The following SNTG1 variants were observed in gnomAD, a reference collection of about 807,000 sequenced individuals.
SNTG1 encodes the protein gamma-1-syntrophin.
SNTG1 carries 39 observed loss-of-function variants against 74.7 expected under a neutral mutation model. The ratio of observed to expected loss-of-function variants is 0.52; its 90% CI spans 0.40 to 0.68. The LOEUF is 0.68. Among genes scored for constraint, SNTG1 ranks in the 30% least tolerant of loss-of-function variants. The pLI is 0.00. For synonymous variants in SNTG1, 254 were observed against 217.1 expected (o/e 1.17, Z -1.49); for missense variants, 685 against 609.5 (o/e 1.12, Z -1.30).
At chr8:50,404,406 T>C (rs547447547) in intron 4 of SNTG1, among the ~76,000 whole-genome samples, 1 of 152,252 alleles carries the variant, frequency 6.6e-6, no homozygotes, top group African/African-American at 2.4e-5. Context: ...TATGTACAAG[T>C]TGATTCCAAA....
At chr8:50,332,813 A>G (rs956176064) in intron 2 of SNTG1, among the ~76,000 whole-genome samples, 2 of 152,210 alleles carry the variant, frequency 1.3e-5, no homozygotes, top group African/African-American at 4.8e-5. Context: ...AAGACCTGGC[A>G]CTAAATGATT....
intron 1 of SNTG1, among the ~76,000 whole-genome samples, chr8:49,928,641 A>C (rs1382692889): frequency 1.3e-5 from 2 of 152,296 alleles, no homozygotes; most frequent in East Asian, 1.9e-4. Context: ...AACTCTCTGC[A>C]CATTTTGCCC....
At chr8:50,412,431 T>C (rs998288095) in intron 4 of SNTG1, among the ~76,000 whole-genome samples, 2 of 152,210 alleles carry the variant, frequency 1.3e-5, no homozygotes, top group Non-Finnish European at 2.9e-5. Flanking sequence ...CTGATTCTTA[T>C]TATTATGTTT....
At chr8:50,324,569 C>G (rs2090662722) in intron 2 of SNTG1, among the ~76,000 whole-genome samples, 1 of 152,134 alleles carries the variant, frequency 6.6e-6, no homozygotes, top group African/African-American at 2.4e-5. Flanking sequence ...CCCTCTTGCT[C>G]TGCCCCCAAA....
chr8:50,635,473 C>A (rs1393667276), intron 13 of SNTG1, among the ~76,000 whole-genome samples: 1 of 152,176 alleles, frequency 6.6e-6, no homozygotes, highest in African/African-American at 2.4e-5. Flanking sequence ...GTGCTCTACT[C>A]TACGGCAGCT....
At chr8:50,485,584 G>A (rs199919015) in intron 8 of SNTG1, among the ~76,000 whole-genome samples, 7,893 of 149,580 alleles carry the variant, frequency 0.053, 256 homozygotes, top group South Asian at 0.17. Flanking sequence ...TTTGTCAGAT[G>A]AGTAGGTTGC....
chr8:50,486,909 C>G (rs1242471130), intron 8 of SNTG1, among the ~76,000 whole-genome samples: 3 of 152,166 alleles, frequency 2.0e-5, no homozygotes, highest in Non-Finnish European at 4.4e-5. Context: ...TTGAGATAAT[C>G]ATGTGGTTTT....
At chr8:50,475,175 T>C (rs559669681) in intron 8 of SNTG1, among the ~76,000 whole-genome samples, 1 of 151,750 alleles carries the variant, frequency 6.6e-6, no homozygotes, top group Non-Finnish European at 1.5e-5. Context: ...CATGTATGCA[T>C]ATGTAACAAA....
intron 13 of SNTG1, among the ~76,000 whole-genome samples, chr8:50,626,678 T>C (rs549620363): frequency 5.9e-5 from 9 of 152,348 alleles, no homozygotes; most frequent in Non-Finnish European, 1.3e-4. Context: ...TGCTATTGTT[T>C]GTGGCTTAGG....
At position 50,005,997 on chromosome 8, in the gene SNTG1, G is replaced by A. The variant is rs1026212329; in HGVS notation, c.-103+93766G>A. 2.7e-4 allele frequency among the ~76,000 whole-genome samples: 31 copies of A among 115,176 alleles called. No homozygotes were observed. In the Admixed American group the frequency reaches 2.8e-3, roughly 10 times the overall value. 75.6% of individuals were successfully genotyped at this position (115,176 alleles called of 152,430 possible). ...TTTTTTTTTTTTGAGATGGAGTCTC[G>A]CTCTGTTGCCAAGCTGGAGTGCAGT... On this transcript the variant is annotated intron_variant, in intron 1 of 18. Transcript: ENST00000642720.
intron 4 of SNTG1, among the ~76,000 whole-genome samples, chr8:50,411,598 A>G (rs1268085264): frequency 3.3e-5 from 5 of 152,048 alleles, no homozygotes; most frequent in Non-Finnish European, 7.4e-5. Context: ...AGATAATACA[A>G]AGGCCTACTC....
chr8:50,631,864 T>A (rs760545646), intron 13 of SNTG1, among the ~76,000 whole-genome samples: 2 of 152,206 alleles, frequency 1.3e-5, no homozygotes, highest in Non-Finnish European at 2.9e-5. Context: ...GCAGAAACTT[T>A]CTATACTGCT....
intron 2 of SNTG1, among the ~76,000 whole-genome samples, chr8:50,308,390 A>G (rs1025896475): frequency 2.6e-5 from 4 of 151,908 alleles, no homozygotes; most frequent in African/African-American, 9.7e-5. Context: ...TGCAAGGCCT[A>G]TAGAGTTCAC....
chr8:49,912,675 T>C (rs1370040161), intron 1 of SNTG1, among the ~76,000 whole-genome samples: 1 of 152,212 alleles, frequency 6.6e-6, no homozygotes, highest in Non-Finnish European at 1.5e-5. Context: ...AAACTATGCA[T>C]GGGAACAAAT....
intron 2 of SNTG1, among the ~76,000 whole-genome samples, chr8:50,262,241 T>C (rs2087231467): frequency 6.6e-6 from 1 of 152,066 alleles, no homozygotes; most frequent in South Asian, 2.1e-4. Flanking sequence ...AGTGACCATA[T>C]TGAAAAGAAG....
intron 8 of SNTG1, among the ~76,000 whole-genome samples, chr8:50,490,408 G>C (rs1368201258): frequency 1.3e-5 from 2 of 152,162 alleles, no homozygotes; most frequent in African/African-American, 4.8e-5. Flanking sequence ...CATGTGCATG[G>C]AATGTTTTTC....
intron 13 of SNTG1, among the ~76,000 whole-genome samples, chr8:50,601,915 G>T (rs1228509974): frequency 1.3e-5 from 2 of 151,908 alleles, no homozygotes; most frequent in African/African-American, 2.4e-5. Flanking sequence ...AATATATTTT[G>T]TCTGGTATAA....
chr8:50,494,221 G>A (rs920260892), intron 8 of SNTG1, among the ~76,000 whole-genome samples: 2 of 151,410 alleles, frequency 1.3e-5, no homozygotes, highest in African/African-American at 2.4e-5. Context: ...ATAATTCATG[G>A]ATATTTATTC....
chr8:50,675,431 T>C (rs1333662476), intron 15 of SNTG1, among the ~76,000 whole-genome samples: 1 of 152,116 alleles, frequency 6.6e-6, no homozygotes, highest in African/African-American at 2.4e-5. Flanking sequence ...TCTTTGTCTT[T>C]TTAAATCTTT....
Sources: gnomAD v4.1 joint callset for allele counts (sites outside exome capture counted in the v4.1 genomes callset) on GRCh38, gnomAD v4.1.1 for gene constraint, MANE v1.5 for transcripts, NCBI Gene and HGNC (gene_info 2026-07-23, HGNC 2026-07-21) for gene names.